The following NEBL variants were observed in gnomAD, a reference collection of about 807,000 sequenced individuals.
NEBL encodes the protein nebulette.
In NEBL, 122 loss-of-function variants were observed where a neutral mutation model predicts 140.2. The observed-to-expected ratio is 0.87, with a 90% CI of 0.75 to 1.01. NEBL has a LOEUF of 1.01. Ranked by LOEUF, NEBL falls within the 50% of genes least tolerant of loss-of-function variation. NEBL has a pLI of 0.00. For synonymous variants in NEBL, 436 were observed against 398.9 expected, an observed-to-expected ratio of 1.09 and a Z score of -1.11; for missense variants, 1,365 against 1,231.3, an observed-to-expected ratio of 1.11 and a Z score of -1.62.
chr10:21,165,267 A>G (rs58040209), intron 2 of NEBL, among the ~76,000 whole-genome samples: 8,226 of 152,292 alleles, frequency 0.054, 536 homozygotes, highest in African/African-American at 0.16. Flanking sequence ...AAGATGTCAC[A>G]TTTTGAAACC....
rs71390799 is a variant in NEBL, at chr10:20,923,666, C to CAAAAAAAAAAAAAAAAAAAAAAA, written c.357+37983_357+38005dup. On this transcript the variant is annotated intron_variant, in intron 4 of 6. Transcript: ENST00000417816. ...TGCACTCCAGAGCAAGACTCCGTCT[C>CAAAAAAAAAAAAAAAAAAAAAAA]AAAAAAAAAAAAAAAAAAAAAAAAA... is the stretch of plus-strand genomic sequence containing the variant. Among the ~76,000 whole-genome samples the CAAAAAAAAAAAAAAAAAAAAAAA allele has an allele frequency of 6.0e-4, 17 of 28,366 alleles. 3 individuals are homozygous for CAAAAAAAAAAAAAAAAAAAAAAA. Among genetic ancestry groups the CAAAAAAAAAAAAAAAAAAAAAAA allele is most frequent in the African/African-American group, 1.0e-3 (8 of 8,036 alleles). The allele number at this position is 28,366 out of a possible 152,430, so 18.6% of individuals were successfully genotyped here.
At chr10:20,987,927 C>T (rs183860428) in intron 3 of NEBL, among the ~76,000 whole-genome samples, 4 of 152,308 alleles carry the variant, frequency 2.6e-5, no homozygotes, top group South Asian at 2.1e-4. Context: ...TCACATGAAA[C>T]TTATATTCCA....
chr10:21,015,883 A>G (rs988182652), intron 3 of NEBL, among the ~76,000 whole-genome samples: 76 of 152,322 alleles, frequency 5.0e-4, no homozygotes, highest in African/African-American at 1.8e-3. Flanking sequence ...CTAATTTACA[A>G]AGAGTTTGTG....
chr10:21,035,578 G>A (rs1335777652), intron 2 of NEBL, among the ~76,000 whole-genome samples: 5 of 151,984 alleles, frequency 3.3e-5, no homozygotes, highest in African/African-American at 1.2e-4. Context: ...AACTCAATAG[G>A]TCATTATACT....
intron 4 of NEBL, among the ~76,000 whole-genome samples, chr10:20,935,088 C>T (rs978485187): frequency 6.6e-6 from 1 of 152,114 alleles, no homozygotes; most frequent in African/African-American, 2.4e-5. Flanking sequence ...ATATGACTGG[C>T]CACATTCCCT....
chr10:21,169,731 T>C (rs1348331220), intron 2 of NEBL, among the ~76,000 whole-genome samples: 1 of 152,166 alleles, frequency 6.6e-6, no homozygotes, highest in Non-Finnish European at 1.5e-5. Context: ...TTTCCCCCTA[T>C]TTATCTGCTC....
At chr10:20,869,665 A>G in intron 6 of NEBL, 75 bp downstream of exon 6, 1 of 959,780 alleles carries the variant, frequency 1.0e-6, no homozygotes, top group East Asian at 2.4e-5. Context: ...TGAACCATCC[A>G]ACCACTGAAG....
chr10:21,226,646 C>T (rs1016919183), intron 3 of NEBL, among the ~76,000 whole-genome samples: 1 of 152,304 alleles, frequency 6.6e-6, no homozygotes, highest in Middle Eastern at 3.4e-3. Flanking sequence ...TCTGCTGTGA[C>T]AGGGCAGCAC....
At chr10:21,004,718 C>CA (rs201763188) in intron 3 of NEBL, among the ~76,000 whole-genome samples, 20,799 of 143,284 alleles carry the variant, frequency 0.15, 2,174 homozygotes, top group East Asian at 0.56. Context: ...AGACTCATCT[C>CA]AAAAAAAAAA....
chr10:21,120,972 G>T (rs538403665), intron 2 of NEBL, among the ~76,000 whole-genome samples: 1 of 152,272 alleles, frequency 6.6e-6, no homozygotes, highest in East Asian at 1.9e-4. Flanking sequence ...GGATCTAAAG[G>T]AACTACATTT....
At chr10:21,036,226 C>T (rs1383517875) in intron 2 of NEBL, among the ~76,000 whole-genome samples, 4 of 151,850 alleles carry the variant, frequency 2.6e-5, no homozygotes, top group Admixed American at 6.6e-5. Context: ...TTTGGGAGGC[C>T]GAGGCAGGAG....
chr10:21,152,304 G>C (rs534410708), intron 2 of NEBL, among the ~76,000 whole-genome samples: 7 of 152,314 alleles, frequency 4.6e-5, no homozygotes, highest in African/African-American at 1.7e-4. Flanking sequence ...AGTGACGCCA[G>C]TGTAATATTT....
At chr10:20,940,046 G>A (rs1389080653) in intron 4 of NEBL, among the ~76,000 whole-genome samples, 2 of 151,166 alleles carry the variant, frequency 1.3e-5, no homozygotes, top group Admixed American at 6.6e-5. Flanking sequence ...AGTTAACAAG[G>A]ATACCCAGGA....
At chr10:21,061,307 GTGATATGTAATATA>G (rs1184312258) in intron 2 of NEBL, among the ~76,000 whole-genome samples, 2,452 of 144,392 alleles carry the variant, frequency 0.017, 117 homozygotes, top group Non-Finnish European at 0.025. Context: ...TACATATTAT[GTGATATGTAATATA>G]TTACATATTA....
At chr10:21,027,237 T>G (rs114674711) in intron 2 of NEBL, among the ~76,000 whole-genome samples, 1,560 of 152,084 alleles carry the variant, frequency 0.01, 44 homozygotes, top group East Asian at 0.098. Flanking sequence ...CACAGGCCCC[T>G]TTGTGCGTAA....
At chr10:20,848,587 C>T (rs1056580754) in intron 11 of NEBL, among the ~76,000 whole-genome samples, 8 of 151,974 alleles carry the variant, frequency 5.3e-5, no homozygotes, top group African/African-American at 1.7e-4. Context: ...TCAGCGGTGG[C>T]ATTAGATTCT....
At position 21,010,186 on chromosome 10, in the gene NEBL, A is replaced by T. The variant is rs140720151; in HGVS notation, c.249+9931T>A. Among the ~76,000 whole-genome samples, 112 of 152,302 alleles carry T rather than the reference A, an allele frequency of 7.4e-4. No homozygotes were observed. In the East Asian group the frequency reaches 0.017, roughly 23 times the overall value. ...TTAGATCAGCTCCTCTGTATAAGGG[A>T]TCACAGAGACATGCTGAATTGAGAT... On this transcript the variant is annotated intron_variant, in intron 3 of 6. Transcript: ENST00000417816.
chr10:21,020,809 T>G (rs1838760996), intron 2 of NEBL, among the ~76,000 whole-genome samples: 1 of 152,126 alleles, frequency 6.6e-6, no homozygotes, highest in Non-Finnish European at 1.5e-5. Context: ...CAGGCTCCCC[T>G]AAGTCTGTGT....
At chr10:21,223,888 ATCTTTTCCT>A (rs1423211485) in intron 3 of NEBL, among the ~76,000 whole-genome samples, 1 of 152,124 alleles carries the variant, frequency 6.6e-6, no homozygotes, top group African/African-American at 2.4e-5. Context: ...GAATTATTAT[ATCTTTTCCT>A]ATTGTTTTGA....
Sources: gnomAD v4.1 joint callset for allele counts (sites outside exome capture counted in the v4.1 genomes callset) on GRCh38, gnomAD v4.1.1 for gene constraint, MANE v1.5 for transcripts, NCBI Gene and HGNC (gene_info 2026-07-23, HGNC 2026-07-21) for gene names.